Variants in TP53I13 observed in about 807,000 individuals in gnomAD.
The protein encoded by TP53I13 is tumor protein p53-inducible protein 13.
In TP53I13, 27 loss-of-function variants were observed where a neutral mutation model predicts 39.1. The observed-to-expected ratio is 0.69, with a 90% confidence interval of 0.51 to 0.95. The LOEUF is 0.95. TP53I13 is among the 40% of genes least tolerant of loss of function. The probability of loss-of-function intolerance (pLI) is 0.00; values close to 1 mark genes in which losing one functional copy is unlikely to be tolerated. For missense variants in TP53I13, 544 were observed against 520.4 expected, an observed-to-expected ratio of 1.05 and a Z score of -0.44; for synonymous variants, 230 against 224.6, an observed-to-expected ratio of 1.02 and a Z score of -0.22.
chr17:29,574,937 T>C (rs1175225058), downstream of TP53I13: 3 of 1,533,498 alleles, frequency 2.0e-6, no homozygotes, highest in Non-Finnish European at 2.6e-6. Flanking sequence ...GGAGTGAGGC[T>C]GGACCTTGGA....
At chr17:29,577,598 G>A (rs199816798), downstream of TP53I13, 971 of 1,217,258 alleles carry the variant, frequency 8.0e-4, 3 homozygotes, top group Middle Eastern at 0.014. Flanking sequence ...AGGAGGGACC[G>A]CGGGGATGAA....
At position 29,569,168 on chromosome 17, in the gene TP53I13, G is replaced by A. The variant is rs745563656; in HGVS notation, c.141+82G>A. On this transcript the variant is annotated intron_variant, in intron 2 of 6. Transcript: ENST00000301057. ...CTCTGTTCTCGCCGCACCCTCCACA[G>A]TCACCATCTGAGGACCTCTGCCGGT... 6.0e-6 allele frequency: 9 copies of A among 1,503,514 alleles called. No homozygotes were observed. The East Asian group carries it at 2.2e-4, about 36-fold the overall frequency. 93.1% of individuals were successfully genotyped at this position (1,503,514 alleles called of 1,614,324 possible).
At chr17:29,580,077 T>C in the TP53I13 span, among the ~76,000 whole-genome samples, 2 of 152,120 alleles carry the variant, frequency 1.3e-5, no homozygotes, top group Admixed American at 1.3e-4. Context: ...CCTCTGCCTC[T>C]CTTGCTGCAC....
chr17:29,576,830 AC>A, downstream of TP53I13: 3 of 1,578,670 alleles, frequency 1.9e-6, no homozygotes, highest in Non-Finnish European at 2.6e-6. Flanking sequence ...GGGTCAGGGC[AC>A]AGGGGAGTGG....
Position 29,569,097 on chromosome 17 carries a change from T to C in TP53I13, c.141+11T>C, listed in dbSNP as rs1331884764. On this transcript the variant is annotated intron_variant, in intron 2 of 6. Coordinates refer to ENST00000301057, the MANE Select transcript of TP53I13 (RefSeq NM_138349.4). ...CCTCTGCCTCCGCAGGTAGGAGCCC[T>C]GGAGGGCCCAGGGAGAGAGGGATGT... The C allele has an allele frequency of 6.3e-7, 1 of 1,585,388 alleles. No individual in the cohort carries two copies. Among genetic ancestry groups the C allele is most frequent in the East Asian group, 2.3e-5 (1 of 43,472 alleles).
At chr17:29,581,596 A>G in the TP53I13 span, 3 of 707,462 alleles carry the variant, frequency 4.2e-6, no homozygotes, top group African/African-American at 1.7e-5. The surrounding 1 kb of genome is among the most constrained non-coding windows in gnomAD (Gnocchi z 4.8). Flanking sequence ...CAGAGCCTGC[A>G]GTAATTTCAC....
intron 3 of TP53I13, 110 bp downstream of exon 3, chr17:29,569,469 C>A: frequency 9.3e-7 from 1 of 1,080,492 alleles, no homozygotes; most frequent in Non-Finnish European, 1.4e-6. Flanking sequence ...TACCACTTCC[C>A]TCAGGCAGAG....
Position 29,572,294 on chromosome 17 carries a change from T to A in TP53I13, c.666T>A (p.Phe222Leu). ...GPQPTRSALRFPSASPGSLKA... is the reference protein window; with the variant it reads ...GPQPTRSALRLPSASPGSLKA... The stretch of plus-strand genomic sequence containing the variant: ...AGCCCACTCGCTCAGCCCTGAGGTT[T>A]CCCTCTGCTTCCCCAGGGAGCTTGA... The change falls in exon 6 of 7, where the codon TTT becomes TTA. Residue 222 changes from phenylalanine (F) to leucine (L), a missense_variant. Coordinates refer to ENST00000301057, the MANE Select transcript of TP53I13 (RefSeq NM_138349.4). 1 of 1,612,880 alleles carries A rather than the reference T, an allele frequency of 6.2e-7. No homozygotes were observed. Among genetic ancestry groups the A allele is most frequent in the Non-Finnish European group, 8.5e-7 (1 of 1,179,920 alleles).
At chr17:29,581,830 C>T in the TP53I13 span, 33 of 1,612,484 alleles carry the variant, frequency 2.0e-5, 1 homozygote, top group Middle Eastern at 8.2e-4. The surrounding 1 kb of genome is among the most constrained non-coding windows in gnomAD (Gnocchi z 4.8). Flanking sequence ...CATGGTGCCC[C>T]GCCTGCCTGT....
At position 29,572,328 on chromosome 17, in the gene TP53I13, C is replaced by T. The variant is rs867255092; in HGVS notation, c.700C>T (p.Gln234Ter). 2 of 1,612,116 alleles carry T rather than the reference C, an allele frequency of 1.2e-6. No individual in the cohort carries two copies. ...TTCCCCAGGGAGCTTGAAGGCCAAG[C>T]AGTCCATGGCGGGAATCCCTGGTAG... is the stretch of plus-strand genomic sequence containing the variant. The part of the protein sequence containing the change: ...SASPGSLKAK[Q>*]SMAGIPGRES... The change falls in exon 6 of 7, where the codon CAG (glutamine) becomes TAG (stop). Residue 234 changes from glutamine (Q) to a stop codon, truncating the protein, a stop_gained. Transcript: ENST00000301057. LOFTEE classifies it high-confidence loss of function.
chr17:29,575,756 C>A, downstream of TP53I13: 10 of 1,598,958 alleles, frequency 6.3e-6, no homozygotes, highest in Non-Finnish European at 8.5e-6. The surrounding 1 kb of genome is among the most constrained non-coding windows in gnomAD (Gnocchi z 5.5). Flanking sequence ...ACCCACACTG[C>A]CCCTAGCCCA....
chr17:29,576,821 G>A (rs749603738), downstream of TP53I13: 21 of 1,577,294 alleles, frequency 1.3e-5, no homozygotes, highest in Non-Finnish European at 1.8e-5. Context: ...CGAAGGCCTG[G>A]GTCAGGGCAC....
rs768189406 is a variant in TP53I13 at position 29,572,254 on chromosome 17, C to G, written c.626C>G (p.Ala209Gly). 1.2e-6 allele frequency: 2 copies of G among 1,612,740 alleles called. No homozygotes were observed. The highest frequency in any genetic ancestry group is 1.3e-5 in the African/African-American group (1 of 75,064). Residue 209 changes from alanine to glycine, a missense_variant, in exon 6 of 7, where the codon GCT becomes GGT. Coordinates refer to ENST00000301057, the MANE Select transcript of TP53I13 (RefSeq NM_138349.4). ...GGTGCCAAGAGGCGGAGGCTGCGGG[C>G]TGCCCTTGGTCCCCAGCCCACTCGC... ...SSGAKRRRLR[A>G]ALGPQPTRSA... is the part of the protein sequence containing the mutation.
In TP53I13 at chr17:29,573,040, G is replaced by A; in HGVS notation, c.*116G>A. 2.4e-6 allele frequency: 2 copies of A among 823,376 alleles called. No homozygotes were observed. The highest frequency in any genetic ancestry group is 3.4e-6 in the Non-Finnish European group (2 of 590,206). 51.0% of individuals were successfully genotyped at this position (823,376 alleles called of 1,614,324 possible). Reference sequence around the variant, plus strand: ...TGGTGGCGATGGCGCGGCACTGGCCGAGCACTGCGGGGGCTTTCCTCCTTG... The same window carrying A: ...TGGTGGCGATGGCGCGGCACTGGCCAAGCACTGCGGGGGCTTTCCTCCTTG... On this transcript the variant is annotated 3_prime_UTR_variant, in exon 7 of 7. Transcript: ENST00000301057.
chr17:29,571,588 C>T lies in TP53I13; in HGVS notation c.184-3C>T. 6.2e-7 allele frequency: 1 copy of T among 1,613,198 alleles called. No individual in the cohort carries two copies. Among genetic ancestry groups the T allele is most frequent in the Admixed American group, 1.7e-5 (1 of 60,018 alleles). On this transcript the variant is annotated splice_polypyrimidine_tract_variant and splice_region_variant and intron_variant, in intron 3 of 6. Transcript: ENST00000301057. ...CTTTGATGTCTCTGTGCCTTTCCTCCAGGCTGAGGATGTCACCTTCCTCTA... is the reference window on the plus strand; with the variant it reads ...CTTTGATGTCTCTGTGCCTTTCCTCTAGGCTGAGGATGTCACCTTCCTCTA...
downstream of TP53I13, chr17:29,576,387 G>C: frequency 1.9e-6 from 3 of 1,613,456 alleles, no homozygotes; most frequent in Non-Finnish European, 2.5e-6. Context: ...CTGGGGAGTG[G>C]AGGTGTGGGC....
upstream of TP53I13, chr17:29,568,134 A>C (rs764063125): frequency 6.6e-6 from 1 of 152,016 alleles, no homozygotes; most frequent in Non-Finnish European, 1.5e-5. This position sits in a 1 kb window ranked among gnomAD's most constrained non-coding sequence, Gnocchi z 4.5. Context: ...TGGGGAGCGG[A>C]GACACCTCCC....
downstream of TP53I13, chr17:29,576,588 T>G (rs1045845541): frequency 9.3e-6 from 15 of 1,614,096 alleles, no homozygotes; most frequent in Non-Finnish European, 1.3e-5. Context: ...GCTGCACCTT[T>G]GCCTCCGATG....
chr17:29,580,778 T>TG, the TP53I13 span, among the ~76,000 whole-genome samples: 1 of 144,368 alleles, frequency 6.9e-6, no homozygotes, highest in East Asian at 2.0e-4. Flanking sequence ...TTCTTTTTCT[T>TG]TTTTTTTTTT....
Sources: allele counts gnomAD v4.1 joint callset (sites outside exome capture counted in the v4.1 genomes callset), GRCh38; gene constraint gnomAD v4.1.1; non-coding constraint Gnocchi (gnomAD v3.1); transcripts MANE v1.5; gene names NCBI Gene and HGNC (gene_info 2026-07-23, HGNC 2026-07-21).